The following ATG10 variants were observed in gnomAD, a reference collection of about 807,000 sequenced individuals.
ATG10 encodes the protein ubiquitin-like-conjugating enzyme ATG10.
A neutral mutation model predicts 32.1 loss-of-function variants in ATG10; 30 were observed. The observed-to-expected ratio is 0.94, with a 90% CI of 0.70 to 1.27. The LOEUF is 1.27. Among genes scored for constraint, ATG10 ranks in the 50% most tolerant of loss-of-function variants. The pLI is 0.00. For missense variants in ATG10, 233 were observed against 262.3 expected, an observed-to-expected ratio of 0.89 and a Z score of 0.77; for synonymous variants, 87 against 91.5, an observed-to-expected ratio of 0.95 and a Z score of 0.28.
intron 2 of ATG10, among the ~76,000 whole-genome samples, chr5:81,998,599 G>T (rs1056133972): frequency 6.6e-6 from 1 of 152,150 alleles, no homozygotes; most frequent in Non-Finnish European, 1.5e-5. Context: ...GTGGCAAGTT[G>T]GGTAAAGAAG....
At chr5:82,086,965 G>A (rs1764716328) in intron 3 of ATG10, among the ~76,000 whole-genome samples, 1 of 152,096 alleles carries the variant, frequency 6.6e-6, no homozygotes, top group Admixed American at 6.6e-5. Context: ...TTAGAGTCTA[G>A]ATCGTATTTT....
At chr5:82,070,763 T>G (rs1010031672) in intron 3 of ATG10, among the ~76,000 whole-genome samples, 3 of 152,148 alleles carry the variant, frequency 2.0e-5, no homozygotes, top group Non-Finnish European at 4.4e-5. Context: ...CAATCCCCTC[T>G]GTCTTCTTTC....
chr5:82,065,592 G>T (rs1029807463), intron 3 of ATG10, among the ~76,000 whole-genome samples: 3 of 151,888 alleles, frequency 2.0e-5, no homozygotes, highest in Non-Finnish European at 4.4e-5. Flanking sequence ...TCATAAATGG[G>T]TATTGATACT....
In ATG10 at chr5:82,076,343, C is replaced by A. The variant is rs545816725; in HGVS notation, c.216+17741C>A. Among the ~76,000 whole-genome samples, 15 of 152,240 alleles carry A rather than the reference C, an allele frequency of 9.9e-5. No homozygotes were observed. In the East Asian group the frequency reaches 2.9e-3, roughly 29 times the overall value. On this transcript the variant is annotated intron_variant, in intron 3 of 7. Coordinates refer to ENST00000282185, the MANE Select transcript of ATG10 (RefSeq NM_031482.5). ...TTGAATGTTATTATTTGTACTGAAT[C>A]TTATTTAAAATTTTAATGGCAATTT...
intron 5 of ATG10, among the ~76,000 whole-genome samples, chr5:82,188,797 ATTTGT>A (rs1479412798): frequency 6.6e-6 from 1 of 151,894 alleles, no homozygotes; most frequent in African/African-American, 2.4e-5. Context: ...GAAAGATGCT[ATTTGT>A]TTTATCTTTT....
chr5:81,981,803 C>T (rs999054546), intron 1 of ATG10, among the ~76,000 whole-genome samples: 5 of 152,136 alleles, frequency 3.3e-5, no homozygotes, highest in East Asian at 1.9e-4. Flanking sequence ...GTTCTACACA[C>T]ATTAGATTAA....
chr5:81,989,325 G>T (rs1007945545), intron 2 of ATG10, among the ~76,000 whole-genome samples: 46 of 152,220 alleles, frequency 3.0e-4, no homozygotes, highest in Non-Finnish European at 7.3e-5. Flanking sequence ...GGCCTGGGAG[G>T]CGTAGGTTTT....
At chr5:81,999,680 G>A (rs1184006865) in intron 2 of ATG10, among the ~76,000 whole-genome samples, 5 of 151,734 alleles carry the variant, frequency 3.3e-5, no homozygotes, top group Non-Finnish European at 7.4e-5. Context: ...AATAAACAGA[G>A]TCAGAAATGA....
rs577035944 is a variant in ATG10 at position 82,025,420 on chromosome 5, G to A, written c.109-33075G>A. Among the ~76,000 whole-genome samples, 18 of 152,292 alleles carry A rather than the reference G, an allele frequency of 1.2e-4. No individual in the cohort carries two copies. In the South Asian group the frequency reaches 3.7e-3, roughly 32 times the overall value. On this transcript the variant is annotated intron_variant, in intron 2 of 7. Transcript: ENST00000282185. The stretch of plus-strand genomic sequence containing the variant: ...GGGTGGGGTGTGCTAGAAGGGAAAT[G>A]TCCTTCAGTATAGCATTCAAGAAAC...
intron 5 of ATG10, among the ~76,000 whole-genome samples, chr5:82,182,826 T>C (rs1218238827): frequency 1.3e-5 from 2 of 152,122 alleles, no homozygotes; most frequent in Non-Finnish European, 2.9e-5. Context: ...TTGTTTGTGA[T>C]ATTGTACTAT....
intron 3 of ATG10, among the ~76,000 whole-genome samples, chr5:82,121,599 G>T (rs1413769165): frequency 6.6e-6 from 1 of 152,162 alleles, no homozygotes; most frequent in Non-Finnish European, 1.5e-5. Flanking sequence ...CTGTGAGTTT[G>T]TCAGAGATGG....
At chr5:82,203,074 A>T (rs568363776) in intron 5 of ATG10, among the ~76,000 whole-genome samples, 5 of 152,244 alleles carry the variant, frequency 3.3e-5, no homozygotes, top group African/African-American at 1.2e-4. Context: ...CTAAAAATAC[A>T]AAAATTAGCC....
intron 4 of ATG10, among the ~76,000 whole-genome samples, chr5:82,169,842 A>G (rs1300952191): frequency 1.3e-5 from 2 of 152,244 alleles, no homozygotes; most frequent in Non-Finnish European, 2.9e-5. Context: ...TTCAAACTGA[A>G]AAGTCCAAAT....
intron 5 of ATG10, among the ~76,000 whole-genome samples, chr5:82,217,774 G>A: frequency 6.7e-6 from 1 of 149,728 alleles, no homozygotes; most frequent in East Asian, 2.0e-4. Context: ...GGAATTTGAG[G>A]CCAGCCTGGG....
At chr5:82,156,745 G>A (rs1293094970) in intron 3 of ATG10, among the ~76,000 whole-genome samples, 1 of 152,074 alleles carries the variant, frequency 6.6e-6, no homozygotes, top group African/African-American at 2.4e-5. Context: ...AGTTTGTCAT[G>A]TTTTACATAA....
chr5:82,037,966 T>G (rs539349998), intron 2 of ATG10, among the ~76,000 whole-genome samples: 1 of 152,352 alleles, frequency 6.6e-6, no homozygotes, highest in South Asian at 2.1e-4. Flanking sequence ...AATATAGTTT[T>G]TATTTTTCTT....
At chr5:82,095,423 G>A (rs1027049378) in intron 3 of ATG10, among the ~76,000 whole-genome samples, 10 of 152,020 alleles carry the variant, frequency 6.6e-5, no homozygotes, top group Non-Finnish European at 1.5e-4. Context: ...GTTTTACATG[G>A]GGGAATAAGA....
rs78005207 is a variant in ATG10 at position 82,124,074 on chromosome 5, A to ATT, written c.217-40310_217-40309dup. On this transcript the variant is annotated intron_variant, in intron 3 of 7. Coordinates refer to ENST00000282185, the MANE Select transcript of ATG10 (RefSeq NM_031482.5). ...GTTTTTTTCCACTTATATTCCATGG[A>ATT]TTTTTTTTTTTTTTTTGAGATGGAG... Among the ~76,000 whole-genome samples, 669 of 136,724 alleles carry ATT rather than the reference A, an allele frequency of 4.9e-3. 6 individuals are homozygous for ATT. The highest frequency in any genetic ancestry group is 0.013 in the African/African-American group (471 of 37,124). The allele number at this position is 136,724 out of a possible 152,430, so 89.7% of individuals were successfully genotyped here.
At chr5:82,157,275 A>G (rs1472707706) in intron 3 of ATG10, among the ~76,000 whole-genome samples, 1 of 152,158 alleles carries the variant, frequency 6.6e-6, no homozygotes. Context: ...TAGTGATAAT[A>G]TTACTGGGAA....
Sources: gnomAD v4.1 joint callset for allele counts (sites outside exome capture counted in the v4.1 genomes callset) on GRCh38, gnomAD v4.1.1 for gene constraint, MANE v1.5 for transcripts, NCBI Gene and HGNC (gene_info 2026-07-23, HGNC 2026-07-21) for gene names.